CSNK2A1: variants seen among roughly 807,000 people sequenced by gnomAD.
The protein encoded by CSNK2A1 is casein kinase II subunit alpha.
In CSNK2A1, 10 loss-of-function variants were observed where a neutral mutation model predicts 62.9. That is an observed-to-expected ratio of 0.16 (90% CI 0.10 to 0.27). The LOEUF is 0.27. Ranked by LOEUF, CSNK2A1 falls within the 10% of genes least tolerant of loss-of-function variation. The probability of loss-of-function intolerance (pLI) is 1.00; values close to 1 mark genes in which losing one functional copy is unlikely to be tolerated. For synonymous variants in CSNK2A1, 124 were observed against 167.8 expected, an observed-to-expected ratio of 0.74 and a Z score of 2.02; for missense variants, 160 against 492.0, an observed-to-expected ratio of 0.33 and a Z score of 6.38.
intron 8 of CSNK2A1, among the ~76,000 whole-genome samples, chr20:492,969 A>C (rs1245952152): frequency 6.6e-6 from 1 of 152,214 alleles, no homozygotes; most frequent in African/African-American, 2.4e-5. Context: ...AAGGGGTAAG[A>C]GGCAAGCTTA....
At chr20:515,417 T>C (rs2018808467) in intron 2 of CSNK2A1, among the ~76,000 whole-genome samples, 1 of 152,086 alleles carries the variant, frequency 6.6e-6, no homozygotes, top group Non-Finnish European at 1.5e-5. Context: ...GAACTAAGAG[T>C]TTCTCAGCTT....
chr20:500,208 T>C lies in CSNK2A1; in HGVS notation c.214-274A>G, dbSNP rs554026714. 43 of 365,604 alleles carry C rather than the reference T, an allele frequency of 1.2e-4. No homozygotes were observed. The South Asian group carries it at 1.5e-3, about 13-fold the overall frequency. 22.6% of individuals were successfully genotyped at this position (365,604 alleles called of 1,614,324 possible). ...GCATTTCAATCATCAGTCTTGATGT[T>C]AATGTTTTAAAACATGTTAAACATG... On this transcript the variant is annotated intron_variant, in intron 4 of 13. Transcript: ENST00000217244.
chr20:529,146 T>C (rs954598813), intron 1 of CSNK2A1, among the ~76,000 whole-genome samples: 2 of 151,248 alleles, frequency 1.3e-5, no homozygotes, highest in Admixed American at 1.3e-4. Flanking sequence ...CATCTCAGCC[T>C]CCCTTGTAGC....
chr20:500,005 T>A, intron 4 of CSNK2A1, 71 bp from the exon 5 acceptor site: 1 of 1,220,016 alleles, frequency 8.2e-7, no homozygotes, highest in Non-Finnish European at 1.2e-6. Context: ...ACACGTAGTG[T>A]AATACATAAA....
chr20:534,131 T>C (rs1339587847), intron 1 of CSNK2A1, among the ~76,000 whole-genome samples: 1 of 152,220 alleles, frequency 6.6e-6, no homozygotes, highest in African/African-American at 2.4e-5. Context: ...CAGATGCATA[T>C]TCTGATTTTA....
At chr20:511,494 T>C (rs903037556) in intron 2 of CSNK2A1, among the ~76,000 whole-genome samples, 8 of 152,170 alleles carry the variant, frequency 5.3e-5, no homozygotes, top group African/African-American at 1.9e-4. Context: ...AACACTAATT[T>C]TCCCTCCCCC....
chr20:536,102 CTG>C (rs748816707), intron 1 of CSNK2A1, among the ~76,000 whole-genome samples: 1 of 151,878 alleles, frequency 6.6e-6, no homozygotes, highest in Non-Finnish European at 1.5e-5. Context: ...GTAATAGACA[CTG>C]TACACGAGTA....
rs1421483603 is a variant in CSNK2A1 at position 528,060 on chromosome 20, A to T, written c.-226-11T>A. ...CAAGCCTTGATAGAGCTACAAAAAC[A>T]GTTCAGTACTCCGTTACTGAAAGGA... On this transcript the variant is annotated splice_polypyrimidine_tract_variant and intron_variant, in intron 1 of 13. Transcript: ENST00000217244. 1 of 152,234 alleles carries T rather than the reference A, an allele frequency of 6.6e-6. No individual in the cohort carries two copies. Among genetic ancestry groups the T allele is most frequent in the Non-Finnish European group, 1.5e-5 (1 of 68,046 alleles). 9.4% of individuals were successfully genotyped at this position (152,234 alleles called of 1,614,324 possible).
chr20:541,507 T>C (rs1457005798), intron 1 of CSNK2A1, among the ~76,000 whole-genome samples: 3 of 152,340 alleles, frequency 2.0e-5, no homozygotes, highest in Admixed American at 2.0e-4. Flanking sequence ...TACATACATA[T>C]GTCTTTACTT....
intron 1 of CSNK2A1, among the ~76,000 whole-genome samples, chr20:530,050 T>C (rs2019181697): frequency 6.6e-6 from 1 of 152,148 alleles, no homozygotes; most frequent in Non-Finnish European, 1.5e-5. Flanking sequence ...CCTAAAATGG[T>C]GTGTTTTCGT....
At position 492,384 on chromosome 20, in the gene CSNK2A1, G is replaced by A. The variant is rs910590145; in HGVS notation, c.511-20C>T. On this transcript the variant is annotated intron_variant, in intron 8 of 13. Coordinates refer to ENST00000217244, the MANE Select transcript of CSNK2A1 (RefSeq NM_177559.3). Reference sequence around the variant, plus strand: ...TCGTAGCTGAAAAAGAATAAACCATGAGCAATCTTATCTTTCTCTAAGCTA... The same window carrying A: ...TCGTAGCTGAAAAAGAATAAACCATAAGCAATCTTATCTTTCTCTAAGCTA... 1.2e-6 allele frequency: 2 copies of A among 1,612,018 alleles called. No individual in the cohort carries two copies. Among genetic ancestry groups the A allele is most frequent in the Non-Finnish European group, 1.7e-6 (2 of 1,178,388 alleles).
Position 487,527 on chromosome 20 carries a change from G to A in CSNK2A1, c.873C>T (p.His291=), listed in dbSNP as rs763918843. 2 of 1,614,206 alleles carry A rather than the reference G, an allele frequency of 1.2e-6. No individual in the cohort carries two copies. The highest frequency in any genetic ancestry group is 1.1e-5 in the South Asian group (1 of 91,084). The change falls in exon 12 of 14, where the codon CAC becomes CAT. Residue 291 remains histidine (H), a synonymous_variant. Transcript: ENST00000217244. ...AATCCAAGGCCTCAGGGCTGACAAG[G>A]TGCTGATTTTCACTGTGGACAAAGC... The part of the protein sequence containing the change: ...WERFVHSENQ[H]LVSPEALDFL...
chr20:509,845 G>A (rs1247856101), intron 2 of CSNK2A1, among the ~76,000 whole-genome samples: 1 of 152,108 alleles, frequency 6.6e-6, no homozygotes. Flanking sequence ...CCAAAGTGCT[G>A]AGATCACAGA....
Position 481,759 on chromosome 20 carries a change from C to T in CSNK2A1, c.*2202G>A, listed in dbSNP as rs2017960665. The T allele has an allele frequency of 6.6e-6, 1 of 152,092 alleles. No individual in the cohort carries two copies. The highest frequency in any genetic ancestry group is 1.5e-5 in the Non-Finnish European group (1 of 68,018). The allele number at this position is 152,092 out of a possible 1,614,324, so 9.4% of individuals were successfully genotyped here. On this transcript the variant is annotated 3_prime_UTR_variant, in exon 14 of 14. Coordinates refer to ENST00000217244, the MANE Select transcript of CSNK2A1 (RefSeq NM_177559.3). ...AAGTCTTGATTTACAACCCTCTCCC[C>T]ACCTCAAAAGAAAGAACTCATTAGT...
chr20:489,132 A>G (rs189125889), intron 10 of CSNK2A1: 7 of 222,686 alleles, frequency 3.1e-5, no homozygotes, highest in Non-Finnish European at 5.3e-5. Flanking sequence ...ACTGTAACCT[A>G]TTTTGTTGTA....
At chr20:493,336 C>T (rs529149072) in intron 8 of CSNK2A1, among the ~76,000 whole-genome samples, 2 of 152,228 alleles carry the variant, frequency 1.3e-5, no homozygotes, top group East Asian at 3.9e-4. Context: ...TTGCCATAGC[C>T]CCTTCTCCTA....
At chr20:534,576 C>T (rs1178498991) in intron 1 of CSNK2A1, among the ~76,000 whole-genome samples, 1 of 151,992 alleles carries the variant, frequency 6.6e-6, no homozygotes, top group East Asian at 1.9e-4. Flanking sequence ...TGCAACAAAG[C>T]CTAAAGTTTT....
chr20:541,144 T>C (rs2122142094), intron 1 of CSNK2A1: 1 of 152,366 alleles, frequency 6.6e-6, no homozygotes, highest in Admixed American at 6.5e-5. Context: ...AAATCTCTGA[T>C]TTCCTTTTCT....
At position 489,810 on chromosome 20, in the gene CSNK2A1, T is replaced by C; in HGVS notation, c.693A>G (p.Pro231=). The change falls in exon 10 of 14, where the codon CCA becomes CCG. Residue 231 remains proline (P), a synonymous_variant. Coordinates refer to ENST00000217244, the MANE Select transcript of CSNK2A1 (RefSeq NM_177559.3). ...MLASMIFRKE[P]FFHGHDNYDQ... ...CATAATTGTCATGTCCATGGAAAAA[T>C]GGCTCCTTCCGAAAGATCATACTTG... 2 of 1,613,610 alleles carry C rather than the reference T, an allele frequency of 1.2e-6. No homozygotes were observed. Among genetic ancestry groups the C allele is most frequent in the South Asian group, 1.1e-5 (1 of 91,016 alleles).
Sources: gnomAD v4.1 joint callset for allele counts (sites outside exome capture counted in the v4.1 genomes callset) on GRCh38, gnomAD v4.1.1 for gene constraint, MANE v1.5 for transcripts, NCBI Gene and HGNC (gene_info 2026-07-23, HGNC 2026-07-21) for gene names.